The following THSD7A variants were observed in gnomAD, a reference collection of about 807,000 sequenced individuals.
THSD7A encodes the protein thrombospondin type 1 domain containing 7A, also known as thrombospondin type-1 domain-containing protein 7A.
In THSD7A, 96 loss-of-function variants were observed where a neutral mutation model predicts 231.3. The observed-to-expected ratio is 0.41, with a 90% CI of 0.35 to 0.49. The LOEUF is 0.49. THSD7A is among the 20% of genes least tolerant of loss of function. The pLI is 0.05. For synonymous variants in THSD7A, 940 were observed against 743.3 expected (o/e 1.26, Z -4.30); for missense variants, 2,290 against 2,070.2 (o/e 1.11, Z -2.06).
intron 1 of THSD7A, among the ~76,000 whole-genome samples, chr7:11,799,167 C>T (rs1182832206): frequency 2.6e-5 from 4 of 152,134 alleles, no homozygotes; most frequent in Admixed American, 6.5e-5. Context: ...ATGATCCACC[C>T]GCCTTGGCCT....
intron 1 of THSD7A, among the ~76,000 whole-genome samples, chr7:11,728,644 A>T (rs1781624245): frequency 1.3e-5 from 2 of 151,948 alleles, no homozygotes; most frequent in Admixed American, 1.3e-4. Context: ...TATGATTTGC[A>T]TCAACTATTA....
intron 4 of THSD7A, among the ~76,000 whole-genome samples, chr7:11,556,467 T>C (rs1487152763): frequency 2.0e-5 from 3 of 151,964 alleles, no homozygotes; most frequent in Middle Eastern, 3.4e-3. Context: ...TCATATCAGG[T>C]AGCAGTGTTA....
chr7:11,405,837 A>G (rs1783563084), intron 22 of THSD7A, among the ~76,000 whole-genome samples: 1 of 152,096 alleles, frequency 6.6e-6, no homozygotes, highest in South Asian at 2.1e-4. Flanking sequence ...TTTTGACTAC[A>G]TTTATCTAGG....
chr7:11,682,882 A>C (rs2128139462), intron 1 of THSD7A, among the ~76,000 whole-genome samples: 1 of 152,062 alleles, frequency 6.6e-6, no homozygotes. Flanking sequence ...AAATAAAAAA[A>C]AAATCACCGA....
intron 8 of THSD7A, among the ~76,000 whole-genome samples, chr7:11,471,466 C>T (rs1785935166): frequency 6.6e-6 from 1 of 151,924 alleles, no homozygotes; most frequent in African/African-American, 2.4e-5. Context: ...GCTGATACTT[C>T]ATTTTTGACA....
chr7:11,428,991 A>C lies in THSD7A; in HGVS notation c.3199T>G (p.Tyr1067Asp). 1 of 1,612,882 alleles carries C rather than the reference A, an allele frequency of 6.2e-7. No homozygotes were observed. The highest frequency in any genetic ancestry group is 8.5e-7 in the Non-Finnish European group (1 of 1,179,458). Reference protein sequence around the residue: ...VRSKWLREKPYNGGRPCPKLD... With the variant: ...VRSKWLREKPDNGGRPCPKLD... ...TTGGGGCAAGGCCTTCCTCCATTAT[A>C]TGGTTTTTCACGCAGCCATTTAGAA... Residue 1067 changes from tyrosine to aspartate, a missense_variant, in exon 14 of 28, where the codon TAT becomes GAT. By Grantham distance (160) the Tyr-to-Asp change is radical. Transcript: ENST00000423059.
intron 11 of THSD7A, among the ~76,000 whole-genome samples, chr7:11,449,361 G>C (rs1785073427): frequency 6.6e-6 from 1 of 152,024 alleles, no homozygotes; most frequent in Non-Finnish European, 1.5e-5. Flanking sequence ...CTGCTATGGG[G>C]TCAGGAATAT....
At chr7:11,660,148 G>C (rs1782873652) in intron 1 of THSD7A, among the ~76,000 whole-genome samples, 1 of 151,508 alleles carries the variant, frequency 6.6e-6, no homozygotes. Context: ...ATTTCTCCTA[G>C]AAAAATTTAC....
At chr7:11,798,170 T>G (rs187241851) in intron 1 of THSD7A, among the ~76,000 whole-genome samples, 1 of 152,088 alleles carries the variant, frequency 6.6e-6, no homozygotes, top group African/African-American at 2.4e-5. Context: ...ATCTTCTTAC[T>G]ACTATCATAC....
intron 4 of THSD7A, among the ~76,000 whole-genome samples, chr7:11,548,402 C>A (rs62434460): frequency 0.016 from 2,459 of 152,112 alleles, 32 homozygotes; most frequent in South Asian, 0.024. Context: ...TTGGAGTAGA[C>A]AGACTCACAG....
intron 13 of THSD7A, among the ~76,000 whole-genome samples, chr7:11,432,840 A>G (rs7776697): frequency 0.041 from 6,230 of 152,076 alleles, 445 homozygotes; most frequent in African/African-American, 0.14. Flanking sequence ...TAGGAGACAA[A>G]TGGATAAATT....
intron 1 of THSD7A, among the ~76,000 whole-genome samples, chr7:11,786,117 C>A (rs1212418197): frequency 6.7e-6 from 1 of 148,420 alleles, no homozygotes; most frequent in Non-Finnish European, 1.5e-5. Flanking sequence ...CTTTCTCCAA[C>A]AGATCCTTCA....
At chr7:11,504,598 A>T (rs374940434) in intron 6 of THSD7A, among the ~76,000 whole-genome samples, 10 of 152,316 alleles carry the variant, frequency 6.6e-5, no homozygotes, top group African/African-American at 2.4e-4. Flanking sequence ...GGAGCTATCT[A>T]TATGAAGTAG....
intron 11 of THSD7A, among the ~76,000 whole-genome samples, chr7:11,450,283 C>T (rs1254161115): frequency 6.6e-6 from 1 of 151,938 alleles, no homozygotes; most frequent in African/African-American, 2.4e-5. Context: ...CCCCATATAC[C>T]TGCACTACAT....
intron 1 of THSD7A, among the ~76,000 whole-genome samples, chr7:11,707,597 A>T (rs1780811912): frequency 6.6e-6 from 1 of 150,964 alleles, no homozygotes; most frequent in African/African-American, 2.4e-5. Flanking sequence ...AGGCAAAACC[A>T]TCAGAGAGTC....
rs7807697 is a variant in THSD7A at position 11,462,025 on chromosome 7, C to T, written c.2487G>A (p.Ala829=). 6.2e-5 allele frequency: 100 copies of T among 1,613,460 alleles called. No individual in the cohort carries two copies. The highest frequency in any genetic ancestry group is 2.2e-4 in the East Asian group (10 of 44,864). The part of the protein sequence containing the change: ...YEEKACEAPQ[A]CQSYRWKTHK... ...TCTAACCCTACCTGTAGCTTTGGCA[C>T]GCTTGAGGTGCCTCACAGGCCTTCT... The change falls in exon 10 of 28, where the codon GCG becomes GCA. Residue 829 remains alanine (A), a synonymous_variant. Transcript: ENST00000423059.
intron 4 of THSD7A, among the ~76,000 whole-genome samples, chr7:11,574,434 A>C (rs890273221): frequency 1.4e-5 from 2 of 138,842 alleles, no homozygotes; most frequent in Admixed American, 1.5e-4. Context: ...GGGAAACAAA[A>C]ACTTTTTTTT....
chr7:11,517,802 C>T (rs57817697), intron 6 of THSD7A, among the ~76,000 whole-genome samples: 1 of 152,210 alleles, frequency 6.6e-6, no homozygotes, highest in Admixed American at 6.5e-5. Flanking sequence ...TGCTAATTTG[C>T]ATTCTTCCCA....
chr7:11,569,189 A>G (rs57473734), intron 4 of THSD7A, among the ~76,000 whole-genome samples: 3,965 of 152,282 alleles, frequency 0.026, 73 homozygotes, highest in South Asian at 0.072. Context: ...CTAATGGGAC[A>G]TTAGAATAAA....
Sources: gnomAD v4.1 joint callset for allele counts (sites outside exome capture counted in the v4.1 genomes callset) on GRCh38, gnomAD v4.1.1 for gene constraint, MANE v1.5 for transcripts, NCBI Gene and HGNC (gene_info 2026-07-23, HGNC 2026-07-21) for gene names.